Variants in CIT observed in about 807,000 individuals in gnomAD.
CIT encodes the protein citron Rho-interacting kinase.
A neutral mutation model predicts 272.7 loss-of-function variants in CIT; 79 were observed. The ratio of observed to expected loss-of-function variants is 0.29; its 90% CI spans 0.24 to 0.35. CIT has a LOEUF of 0.35. Among genes scored for constraint, CIT ranks in the 10% least tolerant of loss-of-function variants. The pLI is 1.00. For synonymous variants in CIT, 948 were observed against 995.6 expected (o/e 0.95, Z 0.90); for missense variants, 1,909 against 2,618.3 (o/e 0.73, Z 5.91).
At chr12:119,789,871 A>C (rs1965154143) in intron 10 of CIT, among the ~76,000 whole-genome samples, 2 of 150,804 alleles carry the variant, frequency 1.3e-5, no homozygotes, top group Non-Finnish European at 2.9e-5. Flanking sequence ...ACGCCCAGCA[A>C]ATTTTTTTTT....
chr12:119,767,117 C>T lies in CIT; in HGVS notation c.2274G>A (p.Gln758=). 1 of 1,610,900 alleles carries T rather than the reference C, an allele frequency of 6.2e-7. No individual in the cohort carries two copies. Among genetic ancestry groups the T allele is most frequent in the Non-Finnish European group, 8.5e-7 (1 of 1,178,458 alleles). ...TCTTTTCCTCATAGTGCTGCTCTTTCTGTTTCAGGTGCACTTCTAGGTGCT... is the reference window on the plus strand; with the variant it reads ...TCTTTTCCTCATAGTGCTGCTCTTTTTGTTTCAGGTGCACTTCTAGGTGCT... ...SAQHLEVHLK[Q]KEQHYEEKIK... Residue 758 remains glutamine (Q), a synonymous_variant, in exon 19 of 48, where the codon CAG becomes CAA. Coordinates refer to ENST00000392521, the MANE Select transcript of CIT (RefSeq NM_001206999.2).
chr12:119,762,427 C>A (rs1364108235), intron 19 of CIT, among the ~76,000 whole-genome samples: 1 of 152,038 alleles, frequency 6.6e-6, no homozygotes, highest in African/African-American at 2.4e-5. Flanking sequence ...ACTAAAATGG[C>A]CTGACAGAGG....
In CIT at chr12:119,804,419, CCGTG is replaced by C. The variant is rs778885333; in HGVS notation, c.1112-1034_1112-1031del. 1.6e-5 allele frequency: 16 copies of C among 985,760 alleles called. No individual in the cohort carries two copies. Among genetic ancestry groups the C allele is most frequent in the African/African-American group, 1.7e-5 (1 of 57,388 alleles). 61.1% of individuals were successfully genotyped at this position (985,760 alleles called of 1,614,324 possible). ...CAGTGCAGGCTGCATGCTCCCGGCT[CCGTG>C]CGTGCGTGCTCTGGCTGGAACCCCA... On this transcript the variant is annotated intron_variant, in intron 9 of 47. Coordinates refer to ENST00000392521, the MANE Select transcript of CIT (RefSeq NM_001206999.2). The surrounding 1 kb of genome is among the most constrained non-coding windows in gnomAD (Gnocchi z 5.3).
At chr12:119,698,106 G>T (rs1374898599) in intron 44 of CIT, 52 bp from the exon 45 acceptor site, 1 of 1,543,662 alleles carries the variant, frequency 6.5e-7, no homozygotes, top group South Asian at 1.1e-5. Context: ...GTGAAAAGAG[G>T]GAAAATCAAA....
At position 119,761,065 on chromosome 12, in the gene CIT, C is replaced by T. The variant is rs371801915; in HGVS notation, c.2305-10G>A. On this transcript the variant is annotated splice_polypyrimidine_tract_variant and intron_variant, in intron 19 of 47. Transcript: ENST00000392521. ...TCTGATTGTCCAACACCTACAAAAA[C>T]AAAAGCAGCAGCAAATGTTCTCAGG... The T allele has an allele frequency of 2.4e-5, 38 of 1,585,820 alleles. No individual in the cohort carries two copies. In the African/African-American group the frequency reaches 3.9e-4, roughly 16 times the overall value.
chr12:119,772,367 A>G (rs1963256375), intron 17 of CIT, among the ~76,000 whole-genome samples: 1 of 152,228 alleles, frequency 6.6e-6, no homozygotes, highest in Non-Finnish European at 1.5e-5. Context: ...TCTGAGAGTC[A>G]TTGACGCGCA....
chr12:119,810,260 C>T (rs557693631), intron 9 of CIT, among the ~76,000 whole-genome samples: 4 of 152,224 alleles, frequency 2.6e-5, no homozygotes, highest in East Asian at 1.9e-4. Flanking sequence ...AACTGGAGGA[C>T]GCCTAGTGGT....
rs775416259 is a variant in CIT at position 119,772,823 on chromosome 12, G to T, written c.2029C>A (p.Gln677Lys). 3 of 1,613,992 alleles carry T rather than the reference G, an allele frequency of 1.9e-6. No individual in the cohort carries two copies. In the South Asian group the frequency reaches 3.3e-5, roughly 18 times the overall value. The change falls in exon 17 of 48, where the codon CAG becomes AAG. Residue 677 changes from glutamine (Q) to lysine (K), a missense_variant. Around this residue, in one of 8 missense-constraint regions of CIT, gnomAD observed 530 missense variants for 822.4 expected, o/e 0.64. Transcript: ENST00000392521. The part of the protein sequence containing the change: ...ERAERELEKL[Q>K]NREDSSEGIR... Reference sequence around the variant, plus strand: ...CCTTCAGAAGAATCCTCTCGGTTCTGCAGCTTCTCCAGCTCCCTCTCGGCT... The same window carrying T: ...CCTTCAGAAGAATCCTCTCGGTTCTTCAGCTTCTCCAGCTCCCTCTCGGCT...
chr12:119,695,867 T>A (rs1956198457), intron 46 of CIT, among the ~76,000 whole-genome samples: 1 of 152,246 alleles, frequency 6.6e-6, no homozygotes, highest in Non-Finnish European at 1.5e-5. Flanking sequence ...AGATTACTTA[T>A]AACACCTAAT....
At chr12:119,775,754 G>T (rs150123196) in intron 16 of CIT, 32 bp downstream of exon 16, 2 of 1,567,834 alleles carry the variant, frequency 1.3e-6, no homozygotes, top group South Asian at 2.2e-5. Context: ...GGTGGTGGGG[G>T]GTAAGTTCCT....
chr12:119,845,283 G>C (rs1489496836), intron 5 of CIT, among the ~76,000 whole-genome samples: 4 of 152,092 alleles, frequency 2.6e-5, no homozygotes, highest in Admixed American at 2.0e-4. Flanking sequence ...GAAACCCACA[G>C]ACAGTCCCAA....
At chr12:119,701,782 A>G (rs1593394385) in intron 42 of CIT, 30 bp from the exon 43 acceptor site, 1 of 1,614,236 alleles carries the variant, frequency 6.2e-7, no homozygotes, top group Non-Finnish European at 8.5e-7. Context: ...GCGGGGCTTC[A>G]GGAGTGAGTT....
intron 24 of CIT, among the ~76,000 whole-genome samples, chr12:119,738,478 C>CA (rs1487698861): frequency 6.6e-6 from 1 of 151,872 alleles, no homozygotes; most frequent in Admixed American, 6.6e-5. Context: ...ATCTTAGCAG[C>CA]AAAAAAAGAT....
At chr12:119,850,375 T>TTA (rs1555264426) in intron 4 of CIT, 100 bp from the exon 5 acceptor site, 3 of 281,742 alleles carry the variant, frequency 1.1e-5, no homozygotes, top group South Asian at 7.0e-5. Context: ...TTTCTAGCTT[T>TTA]AAAAAAAAAA....
At chr12:119,868,238 T>G (rs1950570270) in intron 3 of CIT, among the ~76,000 whole-genome samples, 2 of 152,090 alleles carry the variant, frequency 1.3e-5, no homozygotes, top group Non-Finnish European at 2.9e-5. Context: ...AAACAAAAAT[T>G]ATATTTTATG....
Position 119,772,890 on chromosome 12 carries a change from C to A in CIT, c.1962G>T (p.Glu654Asp), listed in dbSNP as rs1963326742. 1.2e-6 allele frequency: 2 copies of A among 1,613,698 alleles called. No individual in the cohort carries two copies. Among genetic ancestry groups the A allele is most frequent in the African/African-American group, 2.7e-5 (2 of 74,878 alleles). Residue 654 changes from glutamate to aspartate, a missense_variant, in exon 17 of 48, where the codon GAG becomes GAT. Physicochemically the swap from Glu to Asp is conservative, Grantham distance 45. Around this residue, in one of 8 missense-constraint regions of CIT, gnomAD observed 530 missense variants for 822.4 expected, o/e 0.64. Transcript: ENST00000392521. ...KLEKAVKAST[E>D]ATELLQNIRQ... is the part of the protein sequence containing the mutation. ...GGATATTCTGCAGCAGCTCGGTGGC[C>A]TCCGTGCTGGCTTTTACAGCCTAGG...
At chr12:119,758,466 G>T (rs1961319558) in intron 21 of CIT, 125 bp downstream of exon 21, 2 of 689,868 alleles carry the variant, frequency 2.9e-6, no homozygotes, top group South Asian at 3.3e-5. Flanking sequence ...GTATCTGAGG[G>T]CTGGGCTGAG....
chr12:119,834,026 G>A, intron 6 of CIT, 60 bp downstream of exon 6: 1 of 1,496,792 alleles, frequency 6.7e-7, no homozygotes, highest in Admixed American at 2.1e-5. Flanking sequence ...TTCCATGCAG[G>A]AACTCTTATG....
At chr12:119,744,079 G>A (rs78069786) in intron 23 of CIT, among the ~76,000 whole-genome samples, 2,007 of 152,274 alleles carry the variant, frequency 0.013, 44 homozygotes, top group African/African-American at 0.045. Flanking sequence ...AAGGTAGAAC[G>A]TAGCAGGGAA....
Sources: allele counts gnomAD v4.1 joint callset (sites outside exome capture counted in the v4.1 genomes callset), GRCh38; gene constraint gnomAD v4.1.1; regional missense constraint gnomAD v4.1.1; non-coding constraint Gnocchi (gnomAD v3.1); transcripts MANE v1.5; gene names NCBI Gene and HGNC (gene_info 2026-07-23, HGNC 2026-07-21).